KHDRBS2: variants seen among roughly 807,000 people sequenced by gnomAD.
KHDRBS2 encodes the protein KH domain-containing, RNA-binding, signal transduction-associated protein 2.
Under a neutral mutation model 44.3 loss-of-function variants are expected in KHDRBS2, and 26 were observed. That is an observed-to-expected ratio of 0.59 (90% CI 0.43 to 0.81). The LOEUF is 0.81. Among genes scored for constraint, KHDRBS2 ranks in the 40% least tolerant of loss-of-function variants. The pLI, the probability that KHDRBS2 is intolerant of heterozygous loss-of-function variation, is 0.00. For missense variants in KHDRBS2, 476 were observed against 433.1 expected, an observed-to-expected ratio of 1.10 and a Z score of -0.88; for synonymous variants, 194 against 151.1, an observed-to-expected ratio of 1.28 and a Z score of -2.08.
intron 4 of KHDRBS2, among the ~76,000 whole-genome samples, chr6:61,947,652 A>C (rs527841479): frequency 2.0e-5 from 3 of 152,182 alleles, no homozygotes; most frequent in African/African-American, 7.2e-5. Context: ...GGGTTTTGAA[A>C]AGGGTTTTAA....
intron 2 of KHDRBS2, among the ~76,000 whole-genome samples, chr6:62,091,109 T>G (rs1219460519): frequency 6.6e-6 from 1 of 152,080 alleles, no homozygotes; most frequent in Non-Finnish European, 1.5e-5. Flanking sequence ...GGTGCCTGAT[T>G]GGATGACCGT....
At chr6:61,865,356 G>C (rs1347373100) in intron 6 of KHDRBS2, among the ~76,000 whole-genome samples, 1 of 152,092 alleles carries the variant, frequency 6.6e-6, no homozygotes, top group East Asian at 1.9e-4. Context: ...CATGTGGCTG[G>C]GGAGGCCTCA....
At chr6:62,229,736 G>A (rs969171207) in intron 1 of KHDRBS2, among the ~76,000 whole-genome samples, 1 of 152,090 alleles carries the variant, frequency 6.6e-6, no homozygotes, top group Admixed American at 6.6e-5. Flanking sequence ...TCACTTGGCT[G>A]GGGGGTAGGG....
chr6:62,099,534 G>T (rs1801391038), intron 2 of KHDRBS2, among the ~76,000 whole-genome samples: 2 of 152,172 alleles, frequency 1.3e-5, no homozygotes, highest in East Asian at 1.9e-4. Context: ...CCTGTTGCTA[G>T]GAAAGGTCCA....
chr6:61,907,672 C>T (rs919071241), intron 4 of KHDRBS2, among the ~76,000 whole-genome samples: 1 of 152,096 alleles, frequency 6.6e-6, no homozygotes, highest in African/African-American at 2.4e-5. Flanking sequence ...CTGTCTTTTC[C>T]CTAATGTATG....
chr6:62,203,787 C>A (rs1290026425), intron 1 of KHDRBS2, among the ~76,000 whole-genome samples: 2 of 152,098 alleles, frequency 1.3e-5, no homozygotes, highest in Non-Finnish European at 2.9e-5. Flanking sequence ...TTTGGCACTT[C>A]CTACATACCA....
chr6:61,631,335 A>AAAAAAAAAAAAAAAAAAAAAAAAAAAG, the KHDRBS2 span, among the ~76,000 whole-genome samples: 1 of 104,678 alleles, frequency 9.6e-6, no homozygotes, highest in Admixed American at 1.1e-4. Flanking sequence ...AAAAAAAAAA[A>AAAAAAAAAAAAAAAAAAAAAAAAAAAG]AAGACAATAC....
At chr6:61,997,297 C>T (rs997189570) in intron 3 of KHDRBS2, among the ~76,000 whole-genome samples, 16 of 152,116 alleles carry the variant, frequency 1.1e-4, no homozygotes, top group African/African-American at 3.9e-4. Context: ...ATTCTGAGTG[C>T]AAAGGTACAT....
chr6:62,085,948 C>T (rs944232841), intron 2 of KHDRBS2, among the ~76,000 whole-genome samples: 4 of 152,006 alleles, frequency 2.6e-5, no homozygotes, highest in Non-Finnish European at 5.9e-5. Flanking sequence ...ATGTGATCTG[C>T]TAATAGTTAA....
At chr6:62,165,065 T>G (rs1027088025) in intron 2 of KHDRBS2, among the ~76,000 whole-genome samples, 4 of 151,828 alleles carry the variant, frequency 2.6e-5, no homozygotes, top group Non-Finnish European at 5.9e-5. Flanking sequence ...AGAATTTTCT[T>G]TTTGATTTTA....
At chr6:62,037,853 A>G (rs943676427) in intron 3 of KHDRBS2, among the ~76,000 whole-genome samples, 2 of 152,078 alleles carry the variant, frequency 1.3e-5, no homozygotes, top group Non-Finnish European at 2.9e-5. Flanking sequence ...ATTTAATGTT[A>G]GTATTTTCAA....
chr6:61,824,177 A>G (rs1790464132), intron 6 of KHDRBS2, among the ~76,000 whole-genome samples: 1 of 152,094 alleles, frequency 6.6e-6, no homozygotes, highest in Non-Finnish European at 1.5e-5. Context: ...GTCTAGTCAA[A>G]TGATATGGTT....
At chr6:62,285,738 A>T in intron 1 of KHDRBS2, 120 bp downstream of exon 1, 1 of 660,274 alleles carries the variant, frequency 1.5e-6, no homozygotes, top group Non-Finnish European at 2.6e-6. Flanking sequence ...GAGCATCTTC[A>T]GGGGGACAGT....
intron 5 of KHDRBS2, among the ~76,000 whole-genome samples, chr6:61,899,733 G>GCCC (rs34822365): frequency 0.026 from 3,236 of 122,688 alleles, 97 homozygotes; most frequent in Non-Finnish European, 0.034. Context: ...TTGTTTTAAT[G>GCCC]CCCCCCCCCC....
At chr6:61,773,264 A>T (rs1170139043) in intron 6 of KHDRBS2, among the ~76,000 whole-genome samples, 1 of 152,166 alleles carries the variant, frequency 6.6e-6, no homozygotes, top group Non-Finnish European at 1.5e-5. Context: ...CCAACAGTGT[A>T]AAAGTGTTCC....
Position 61,772,382 on chromosome 6 carries a change from C to T in KHDRBS2, c.811-39618G>A, listed in dbSNP as rs1781079677. 6.6e-5 allele frequency among the ~76,000 whole-genome samples: 10 copies of T among 152,222 alleles called. 1 individual carries two copies. In the South Asian group the frequency reaches 2.1e-3, roughly 32 times the overall value. On this transcript the variant is annotated intron_variant, in intron 6 of 8. Coordinates refer to ENST00000281156, the MANE Select transcript of KHDRBS2 (RefSeq NM_152688.4). ...TTCAAAAAATTAATGAATCCAGGAG[C>T]TGCTTTTTTGAAAAGATCAACAAAA...
In KHDRBS2 at chr6:62,013,894, G is replaced by A. The variant is rs1253215338; in HGVS notation, c.336+33984C>T. On this transcript the variant is annotated intron_variant, in intron 3 of 8. Coordinates refer to ENST00000281156, the MANE Select transcript of KHDRBS2 (RefSeq NM_152688.4). The stretch of plus-strand genomic sequence containing the variant: ...AGAACGGTTTAAATAGCAGAATTAA[G>A]TCAAAGAGGTGCTAGCAACCACAGG... Among the ~76,000 whole-genome samples, 8 of 152,132 alleles carry A rather than the reference G, an allele frequency of 5.3e-5. No homozygotes were observed. In the East Asian group the frequency reaches 1.5e-3, roughly 29 times the overall value.
At chr6:62,283,413 T>C (rs1457793707) in intron 1 of KHDRBS2, among the ~76,000 whole-genome samples, 2 of 152,136 alleles carry the variant, frequency 1.3e-5, no homozygotes, top group Non-Finnish European at 1.5e-5. Flanking sequence ...AAATAAATCA[T>C]TGTGAAATCT....
chr6:61,890,698 T>C (rs1300885199), intron 6 of KHDRBS2, among the ~76,000 whole-genome samples: 2 of 152,210 alleles, frequency 1.3e-5, no homozygotes, highest in Admixed American at 6.5e-5. Flanking sequence ...ACCCTTGTTG[T>C]GGATTTTTAA....
Sources: allele counts gnomAD v4.1 joint callset (sites outside exome capture counted in the v4.1 genomes callset), GRCh38; gene constraint gnomAD v4.1.1; transcripts MANE v1.5; gene names NCBI Gene and HGNC (gene_info 2026-07-23, HGNC 2026-07-21).